SEMA3A: variants seen among roughly 807,000 people sequenced by gnomAD.
The protein encoded by SEMA3A is semaphorin-3A.
SEMA3A carries 29 observed loss-of-function variants against 97.9 expected under a neutral mutation model. That is an observed-to-expected ratio of 0.30 (90% CI 0.22 to 0.40). The LOEUF is 0.40. Among genes scored for constraint, SEMA3A ranks in the 10% least tolerant of loss-of-function variants. The pLI, the probability that SEMA3A is intolerant of heterozygous loss-of-function variation, is 1.00. For missense variants in SEMA3A, 763 were observed against 951.3 expected (o/e 0.80, Z 2.60); for synonymous variants, 321 against 323.7 (o/e 0.99, Z 0.09).
chr7:84,031,930 G>C (rs1584571083), intron 6 of SEMA3A, among the ~76,000 whole-genome samples: 1 of 152,210 alleles, frequency 6.6e-6, no homozygotes, highest in Middle Eastern at 3.4e-3. Context: ...AGAATCTACA[G>C]ATAAAAACAT....
At chr7:84,305,476 T>G (rs1801131608) in intron 3 of SEMA3A, among the ~76,000 whole-genome samples, 1 of 152,060 alleles carries the variant, frequency 6.6e-6, no homozygotes, top group South Asian at 2.1e-4. Flanking sequence ...TTTCATTGGT[T>G]GACTTCTATC....
At chr7:84,008,394 G>A (rs1790751047) in intron 9 of SEMA3A, among the ~76,000 whole-genome samples, 1 of 151,180 alleles carries the variant, frequency 6.6e-6, no homozygotes, top group Non-Finnish European at 1.5e-5. Context: ...GGGAGGCTGA[G>A]GAAGGAGAAT....
At chr7:84,200,468 G>A (rs1251450564) in intron 3 of SEMA3A, among the ~76,000 whole-genome samples, 1 of 152,010 alleles carries the variant, frequency 6.6e-6, no homozygotes, top group Non-Finnish European at 1.5e-5. Context: ...AAGTTTGAGT[G>A]GAGGATGAAA....
intron 3 of SEMA3A, among the ~76,000 whole-genome samples, chr7:84,205,347 T>C (rs1798464782): frequency 6.6e-6 from 1 of 152,208 alleles, no homozygotes; most frequent in Non-Finnish European, 1.5e-5. Flanking sequence ...TCCATTCTGG[T>C]GGAATTTTTA....
chr7:84,109,350 G>A (rs1562788063), intron 4 of SEMA3A, among the ~76,000 whole-genome samples: 2 of 152,152 alleles, frequency 1.3e-5, no homozygotes. Context: ...AAGAAGGAAG[G>A]ATGTGGTTGG....
intron 1 of SEMA3A, among the ~76,000 whole-genome samples, chr7:84,164,570 A>G (rs952976335): frequency 6.6e-6 from 1 of 152,208 alleles, no homozygotes; most frequent in East Asian, 1.9e-4. Flanking sequence ...TGGAATGTTT[A>G]TATAGGCCAC....
At chr7:84,366,743 G>A (rs1452351625) in intron 2 of SEMA3A, among the ~76,000 whole-genome samples, 8 of 151,262 alleles carry the variant, frequency 5.3e-5, no homozygotes, top group Admixed American at 4.0e-4. Context: ...CTGAGAAAAG[G>A]CCTTTCTGTG....
At position 84,110,510 on chromosome 7, in the gene SEMA3A, T is replaced by C; in HGVS notation, c.413A>G (p.His138Arg). The change falls in exon 4 of 17, where the codon CAT becomes CGT. Residue 138 changes from histidine to arginine, a missense_variant. His to Arg is a conservative substitution (Grantham distance 29). Around this residue, in one of 2 missense-constraint regions of SEMA3A, gnomAD observed 678 missense variants for 881.3 expected, o/e 0.77. Transcript: ENST00000265362. ...HLYACGTGAF[H>R]PICTYIEIGH... ...AATTTCAATGTAGGTGCAAATTGGA[T>C]GAAAAGCCCCCGTTCCACAGGCGTA... is the stretch of plus-strand genomic sequence containing the variant. The C allele has an allele frequency of 6.2e-7, 1 of 1,613,912 alleles. No individual in the cohort carries two copies. The highest frequency in any genetic ancestry group is 8.5e-7 in the Non-Finnish European group (1 of 1,179,874).
intron 14 of SEMA3A, among the ~76,000 whole-genome samples, chr7:83,979,585 T>TTATC (rs1477551947): frequency 6.6e-6 from 1 of 152,206 alleles, no homozygotes; most frequent in Non-Finnish European, 1.5e-5. Context: ...TGAACAGACA[T>TTATC]TATCTCCACA....
intron 2 of SEMA3A, among the ~76,000 whole-genome samples, chr7:84,327,869 T>C (rs1168381246): frequency 6.6e-6 from 1 of 151,986 alleles, no homozygotes; most frequent in Non-Finnish European, 1.5e-5. Flanking sequence ...AAGGCTGTTT[T>C]CCTTTTCGCT....
intron 2 of SEMA3A, among the ~76,000 whole-genome samples, chr7:84,308,588 T>C (rs1340668424): frequency 1.3e-5 from 2 of 152,124 alleles, no homozygotes; most frequent in East Asian, 3.9e-4. Context: ...GACAGTGAGC[T>C]ACAGCTAAAA....
intron 3 of SEMA3A, among the ~76,000 whole-genome samples, chr7:84,270,340 A>G (rs191659633): frequency 9.9e-5 from 15 of 151,910 alleles, no homozygotes; most frequent in African/African-American, 3.1e-4. Flanking sequence ...TCAGACCTTT[A>G]TTTACCTACT....
intron 1 of SEMA3A, among the ~76,000 whole-genome samples, chr7:84,146,127 AAC>A (rs1348483312): frequency 1.3e-5 from 2 of 152,182 alleles, no homozygotes; most frequent in African/African-American, 2.4e-5. Context: ...CTTTCATTAT[AAC>A]ACACAGTCAT....
At chr7:84,460,605 T>G (rs1805809308) in intron 1 of SEMA3A, among the ~76,000 whole-genome samples, 1 of 152,238 alleles carries the variant, frequency 6.6e-6, no homozygotes, top group Non-Finnish European at 1.5e-5. Context: ...TAATAGCCTT[T>G]GTACAGTTCC....
intron 1 of SEMA3A, among the ~76,000 whole-genome samples, chr7:84,385,593 T>C (rs1409429714): frequency 6.6e-6 from 1 of 151,608 alleles, no homozygotes; most frequent in Non-Finnish European, 1.5e-5. Context: ...TATTCTTTTA[T>C]TCCATTATTC....
At chr7:84,223,305 T>A (rs1020123894) in intron 3 of SEMA3A, among the ~76,000 whole-genome samples, 1 of 151,842 alleles carries the variant, frequency 6.6e-6, no homozygotes, top group East Asian at 1.9e-4. Context: ...GTATGTATGT[T>A]TGCATGTGTG....
chr7:84,005,212 T>C, intron 11 of SEMA3A, 127 bp downstream of exon 11: 1 of 672,000 alleles, frequency 1.5e-6, no homozygotes, highest in Non-Finnish European at 2.6e-6. Context: ...AATCAAAAGT[T>C]AGTTATATGT....
In SEMA3A at chr7:84,454,630, A is replaced by G. The variant is rs148004275; in HGVS notation, c.-246+37830T>C. On this transcript the variant is annotated intron_variant, in intron 1 of 3. Transcript: ENST00000424555. ...ATTTTCAGTGAAATATTGTATATTC[A>G]TGTAATACAAATGATGTCTTGGGCT... Among the ~76,000 whole-genome samples, 138 of 152,250 alleles carry G rather than the reference A, an allele frequency of 9.1e-4. 1 individual carries two copies. In the East Asian group the frequency reaches 0.025, roughly 27 times the overall value.
chr7:84,449,471 C>T (rs1471991911), intron 1 of SEMA3A, among the ~76,000 whole-genome samples: 1 of 151,966 alleles, frequency 6.6e-6, no homozygotes, highest in Non-Finnish European at 1.5e-5. Context: ...CTGCAAACAA[C>T]AGGACTGAAA....
Sources: gnomAD v4.1 joint callset for allele counts (sites outside exome capture counted in the v4.1 genomes callset) on GRCh38, gnomAD v4.1.1 for gene constraint, gnomAD v4.1.1 regional missense constraint, MANE v1.5 for transcripts, NCBI Gene and HGNC (gene_info 2026-07-23, HGNC 2026-07-21) for gene names.